HEATR9: variants seen among roughly 807,000 people sequenced by gnomAD.
HEATR9 encodes HEAT repeat containing 9.
HEATR9 carries 54 observed loss-of-function variants against 68.2 expected under a neutral mutation model. That is an observed-to-expected ratio of 0.79 (90% CI 0.64 to 0.99). HEATR9 has a LOEUF of 0.99. Among genes scored for constraint, HEATR9 ranks in the 50% least tolerant of loss-of-function variants. The pLI is 0.00. For synonymous variants in HEATR9, 241 were observed against 253.5 expected (o/e 0.95, Z 0.47); for missense variants, 662 against 679.7 (o/e 0.97, Z 0.29).
chr17:35,855,139 T>C lies in HEATR9; in HGVS notation c.1637A>G (p.His546Arg), dbSNP rs374274376. ...FPPCCSKPRK[H>R]RPQVIGPWQP... The stretch of plus-strand genomic sequence containing the variant: ...CCAGGGCCCTATGACCTGTGGCCTA[T>C]GTTTTCGTGGTTTCGAGCAGCACGG... The change falls in exon 15 of 15, where the codon CAT becomes CGT. Residue 546 changes from histidine (H) to arginine (R), a missense_variant. Transcript: ENST00000604834. 1.9e-6 allele frequency: 3 copies of C among 1,614,052 alleles called. No homozygotes were observed. Among genetic ancestry groups the C allele is most frequent in the Non-Finnish European group, 2.5e-6 (3 of 1,180,030 alleles).
intron 12 of HEATR9, 110 bp downstream of exon 12, chr17:35,856,622 G>A (rs1419385363): frequency 2.1e-6 from 2 of 975,148 alleles, no homozygotes; most frequent in Non-Finnish European, 3.1e-6. Context: ...TGCACTGTAG[G>A]TTCTCAGCTC....
intron 10 of HEATR9, 48 bp from the exon 11 acceptor site, chr17:35,858,367 CCTT>C (rs1162819579): frequency 1.9e-6 from 3 of 1,613,898 alleles, no homozygotes; most frequent in East Asian, 2.2e-5. Context: ...AGATGGATTC[CCTT>C]CTTCATCCCC....
chr17:35,856,901 A>G (rs16971585), intron 11 of HEATR9, 96 bp from the exon 12 acceptor site: 76,952 of 1,147,444 alleles, frequency 0.067, 4,389 homozygotes, highest in African/African-American at 0.25. Flanking sequence ...CCTTTGTGCT[A>G]TGTAGAGTCC....
At chr17:35,855,464 G>A in intron 14 of HEATR9, 54 bp from the exon 15 acceptor site, 1 of 1,524,746 alleles carries the variant, frequency 6.6e-7, no homozygotes, top group South Asian at 1.2e-5. Context: ...AGGCTGGGAG[G>A]CTCCAGAGAG....
At chr17:35,860,454 ATTT>A (rs2087943252) in intron 8 of HEATR9, among the ~76,000 whole-genome samples, 1 of 127,048 alleles carries the variant, frequency 7.9e-6, no homozygotes, top group African/African-American at 3.3e-5. Context: ...CCTTATTTTT[ATTT>A]ATTTATTTAT....
chr17:35,855,699 G>T lies in HEATR9; in HGVS notation c.1330C>A (p.Leu444Ile), dbSNP rs1404280943. The change falls in exon 14 of 15, where the codon CTA becomes ATA. Residue 444 changes from leucine to isoleucine, a missense_variant. Leu to Ile is a conservative substitution (Grantham distance 5). Transcript: ENST00000604834. ...PQVFHLLLDL[L>I]DAENHQAVKK... ...ACAGCCTGGTGGTTTTCTGCATCTA[G>T]TAAGTCCAGGAGCAAGTGGAACACT... 6.2e-7 allele frequency: 1 copy of T among 1,614,130 alleles called. No individual in the cohort carries two copies. The highest frequency in any genetic ancestry group is 1.7e-5 in the Admixed American group (1 of 60,028).
At chr17:35,865,837 AT>A (rs1281164486) in intron 2 of HEATR9, among the ~76,000 whole-genome samples, 2 of 152,178 alleles carry the variant, frequency 1.3e-5, no homozygotes, top group Non-Finnish European at 2.9e-5. Flanking sequence ...ACTATTGCTC[AT>A]TCAGATATTT....
At position 35,863,567 on chromosome 17, in the gene HEATR9, A is replaced by G. The variant is rs555038518; in HGVS notation, c.568-8T>C. 9 of 1,614,058 alleles carry G rather than the reference A, an allele frequency of 5.6e-6. No individual in the cohort carries two copies. The highest frequency in any genetic ancestry group is 1.7e-5 in the Admixed American group (1 of 60,002). On this transcript the variant is annotated splice_polypyrimidine_tract_variant and splice_region_variant and intron_variant, in intron 6 of 14. Coordinates refer to ENST00000604834, the MANE Select transcript of HEATR9 (RefSeq NM_152781.4). Reference sequence around the variant, plus strand: ...CTCTGGACCAGTTTGGGCCTAATTTAAGAGGCGGGTGGTAGGAACATATAA... The same window carrying G: ...CTCTGGACCAGTTTGGGCCTAATTTGAGAGGCGGGTGGTAGGAACATATAA...
At chr17:35,855,777 A>C in intron 13 of HEATR9, 27 bp from the exon 14 acceptor site, 1 of 1,587,530 alleles carries the variant, frequency 6.3e-7, no homozygotes, top group Non-Finnish European at 8.6e-7. Context: ...GAGAGTGCCT[A>C]TGTAGCCAGC....
At chr17:35,863,200 A>C in intron 7 of HEATR9, 75 bp from the exon 8 acceptor site, 3 of 1,590,904 alleles carry the variant, frequency 1.9e-6, no homozygotes, top group South Asian at 1.1e-5. Context: ...ATTGAACTCC[A>C]CTGTGCCATC....
intron 2 of HEATR9, among the ~76,000 whole-genome samples, chr17:35,865,905 C>T (rs762269725): frequency 1.3e-5 from 2 of 152,136 alleles, no homozygotes; most frequent in Non-Finnish European, 2.9e-5. Context: ...TGCAGTTATC[C>T]CTGCCCTCAT....
intron 11 of HEATR9, among the ~76,000 whole-genome samples, chr17:35,857,665 A>T (rs1262954802): frequency 6.6e-6 from 1 of 152,086 alleles, no homozygotes; most frequent in Non-Finnish European, 1.5e-5. Context: ...AGGCTGAGGC[A>T]GGAGAATGGC....
rs774784225 is a variant in HEATR9 at position 35,855,364 on chromosome 17, T to C, written c.1412A>G (p.Gln471Arg). Residue 471 changes from glutamine (Q) to arginine (R), a missense_variant, in exon 15 of 15, where the codon CAA (glutamine) becomes CGA (arginine). Gln to Arg is a conservative substitution (Grantham distance 43). Transcript: ENST00000604834. Reference protein sequence around the residue: ...ILCASIDPWIQNKLKNKVLSV... With the variant: ...ILCASIDPWIRNKLKNKVLSV... ...GAGAACCTTGTTTTTCAGCTTGTTT[T>C]GGATCCAGGGATCAATTGAGGCACA... 3.7e-6 allele frequency: 6 copies of C among 1,614,166 alleles called. No individual in the cohort carries two copies. Among genetic ancestry groups the C allele is most frequent in the Non-Finnish European group, 5.1e-6 (6 of 1,180,000 alleles).
At chr17:35,856,260 T>G (rs752341271) in intron 12 of HEATR9, 36 bp from the exon 13 acceptor site, 1 of 1,613,848 alleles carries the variant, frequency 6.2e-7, no homozygotes, top group Non-Finnish European at 8.5e-7. Context: ...ATAGTTGAAT[T>G]AAGGAGTAGG....
intron 8 of HEATR9, 101 bp from the exon 9 acceptor site, chr17:35,859,171 T>C (rs990985435): frequency 9.5e-7 from 1 of 1,052,956 alleles, no homozygotes; most frequent in Non-Finnish European, 1.4e-6. Flanking sequence ...ATGAATCTTG[T>C]GCATCAGATT....
At chr17:35,864,428 A>G in intron 5 of HEATR9, 69 bp downstream of exon 5, 1 of 1,567,488 alleles carries the variant, frequency 6.4e-7, no homozygotes, top group Non-Finnish European at 8.8e-7. Context: ...CACGTCAAGC[A>G]GCTTTTTACT....
At chr17:35,859,397 G>C (rs1032385042) in intron 8 of HEATR9, among the ~76,000 whole-genome samples, 1 of 152,114 alleles carries the variant, frequency 6.6e-6, no homozygotes, top group Non-Finnish European at 1.5e-5. Context: ...ATCCCACTGA[G>C]AGACCTGATC....
rs932834025 is a variant in HEATR9 at position 35,861,520 on chromosome 17, C to T, written c.756+1475G>A. The T allele has an allele frequency of 2.0e-6, 2 of 1,012,378 alleles. 1 individual carries two copies. The highest frequency in any genetic ancestry group is 3.4e-5 in the Admixed American group (2 of 59,190). The allele number at this position is 1,012,378 out of a possible 1,614,324, so 62.7% of individuals were successfully genotyped here. A position where few individuals can be genotyped will look rare whatever the true frequency, so the allele number is the denominator to read the frequency against. On this transcript the variant is annotated intron_variant, in intron 8 of 14. Coordinates refer to ENST00000604834, the MANE Select transcript of HEATR9 (RefSeq NM_152781.4). ...GTTGCGGACAAACATCATGTCATGG[C>T]TGGGGTAGATGGGCCTCGAAGAGAA...
Position 35,861,673 on chromosome 17 carries a change from C to A in HEATR9, c.756+1322G>T. 3 of 554,890 alleles carry A rather than the reference C, an allele frequency of 5.4e-6. No individual in the cohort carries two copies. In the South Asian group the frequency reaches 6.1e-5, roughly 11 times the overall value. The allele number at this position is 554,890 out of a possible 1,614,324, so 34.4% of individuals were successfully genotyped here. A position where few individuals can be genotyped will look rare whatever the true frequency, so the allele number is the denominator to read the frequency against. ...TGTCTTCTCTCAGATATCTGTAAGG[C>A]TAACCCACTCACTTTCTTTATGTCT... On this transcript the variant is annotated intron_variant, in intron 8 of 14. Coordinates refer to ENST00000604834, the MANE Select transcript of HEATR9 (RefSeq NM_152781.4).
Sources: allele counts gnomAD v4.1 joint callset (sites outside exome capture counted in the v4.1 genomes callset), GRCh38; gene constraint gnomAD v4.1.1; transcripts MANE v1.5; gene names NCBI Gene and HGNC (gene_info 2026-07-23, HGNC 2026-07-21).